KIRREL3: variants seen among roughly 807,000 people sequenced by gnomAD.
KIRREL3 encodes kin of IRRE-like protein 3.
In KIRREL3, 36 loss-of-function variants were observed where a neutral mutation model predicts 89.7. The ratio of observed to expected loss-of-function variants is 0.40; its 90% CI spans 0.31 to 0.53. The LOEUF (loss-of-function observed/expected upper bound fraction) is 0.53, where lower values mean the gene tolerates loss of function less well. Ranked by LOEUF, KIRREL3 falls within the 20% of genes least tolerant of loss-of-function variation. The probability of loss-of-function intolerance (pLI) is 0.49; values close to 1 mark genes in which losing one functional copy is unlikely to be tolerated. For missense variants in KIRREL3, 864 were observed against 1,056.6 expected, an observed-to-expected ratio of 0.82 and a Z score of 2.53; for synonymous variants, 445 against 441.4, an observed-to-expected ratio of 1.01 and a Z score of -0.10.
intron 2 of KIRREL3, among the ~76,000 whole-genome samples, chr11:126,543,694 G>A (rs1220437085): frequency 6.6e-6 from 1 of 152,174 alleles, no homozygotes; most frequent in Non-Finnish European, 1.5e-5. Context: ...GAAGACCACG[G>A]AAACCTCTCC....
chr11:126,539,022 G>A (rs1200527508), intron 2 of KIRREL3, among the ~76,000 whole-genome samples: 2 of 152,174 alleles, frequency 1.3e-5, no homozygotes, highest in Non-Finnish European at 2.9e-5. Flanking sequence ...GAGAACAGAT[G>A]TGTTCATGGA....
At position 126,754,544 on chromosome 11, in the gene KIRREL3, G is replaced by C. The variant is rs1036156877; in HGVS notation, c.56-191632C>G. On this transcript the variant is annotated intron_variant, in intron 1 of 16. Transcript: ENST00000525144. This position sits in a 1 kb window ranked among gnomAD's most constrained non-coding sequence, Gnocchi z 5.1. The stretch of plus-strand genomic sequence containing the variant: ...TAAGGCCTACAAACTGCATGTCTTT[G>C]CTAGATACCGCTGAAGGGGATCGTC... Among the ~76,000 whole-genome samples, 1 of 152,030 alleles carries C rather than the reference G, an allele frequency of 6.6e-6. No individual in the cohort carries two copies. The highest frequency in any genetic ancestry group is 6.6e-5 in the Admixed American group (1 of 15,256).
chr11:126,625,115 A>T (rs1481496379), intron 1 of KIRREL3, among the ~76,000 whole-genome samples: 5 of 152,138 alleles, frequency 3.3e-5, no homozygotes, highest in Non-Finnish European at 5.9e-5. Context: ...CAAAACTACT[A>T]TCTAATCTTA....
At chr11:126,819,202 C>A (rs1054215011) in intron 1 of KIRREL3, among the ~76,000 whole-genome samples, 1 of 152,070 alleles carries the variant, frequency 6.6e-6, no homozygotes, top group African/African-American at 2.4e-5. Context: ...CAGCCTGAGG[C>A]GACGGTCCGG....
At chr11:126,732,057 G>A (rs955638623) in intron 1 of KIRREL3, among the ~76,000 whole-genome samples, 40 of 152,222 alleles carry the variant, frequency 2.6e-4, no homozygotes, top group African/African-American at 9.7e-4. Flanking sequence ...TTTCCAGCGA[G>A]TGCCAGGAAT....
intron 1 of KIRREL3, among the ~76,000 whole-genome samples, chr11:126,679,274 A>T (rs1946343645): frequency 6.6e-6 from 1 of 152,140 alleles, no homozygotes; most frequent in Non-Finnish European, 1.5e-5. Context: ...CTACTTCTGG[A>T]CCTTTTGTTA....
Position 126,558,156 on chromosome 11 carries a change from G to A in KIRREL3, c.133+4679C>T, listed in dbSNP as rs958016696. On this transcript the variant is annotated intron_variant, in intron 2 of 16. Coordinates refer to ENST00000525144, the MANE Select transcript of KIRREL3 (RefSeq NM_032531.4). This position sits in a 1 kb window ranked among gnomAD's most constrained non-coding sequence, Gnocchi z 4.0. ...GTGCAGGCCCCCCTCTGCCCCAAGG[G>A]GATGGCTGAAGGGGAGGTCAAAACT... 1.3e-5 allele frequency among the ~76,000 whole-genome samples: 2 copies of A among 152,156 alleles called. No homozygotes were observed. The highest frequency in any genetic ancestry group is 4.8e-5 in the African/African-American group (2 of 41,442).
At chr11:126,448,279 C>CAAAAAAAAAAAAAAAAAAA (rs55787866) in intron 8 of KIRREL3, among the ~76,000 whole-genome samples, 1 of 95,366 alleles carries the variant, frequency 1.0e-5, no homozygotes, top group Non-Finnish European at 2.1e-5. Context: ...GAGACTGTCT[C>CAAAAAAAAAAAAAAAAAAA]AAAAAAAAAA....
intron 1 of KIRREL3, among the ~76,000 whole-genome samples, chr11:126,972,540 G>T (rs1591404218): frequency 6.6e-6 from 1 of 152,298 alleles, no homozygotes; most frequent in African/African-American, 2.4e-5. Flanking sequence ...AGAGCTGGCT[G>T]CTGTGGAAAG....
intron 1 of KIRREL3, among the ~76,000 whole-genome samples, chr11:126,971,769 G>T (rs625987): frequency 0.098 from 14,879 of 152,198 alleles, 849 homozygotes; most frequent in Middle Eastern, 0.19. Context: ...CAAAAAGCTT[G>T]CAGGGAAGAG....
intron 1 of KIRREL3, among the ~76,000 whole-genome samples, chr11:126,633,335 C>A (rs1259127060): frequency 6.6e-6 from 1 of 152,022 alleles, no homozygotes; most frequent in Non-Finnish European, 1.5e-5. Flanking sequence ...ACACCTATCT[C>A]ATTTTTAGAA....
intron 1 of KIRREL3, among the ~76,000 whole-genome samples, chr11:126,720,707 G>A (rs1176953092): frequency 6.6e-6 from 1 of 152,212 alleles, no homozygotes; most frequent in African/African-American, 2.4e-5. Flanking sequence ...CACAAGCCAA[G>A]ACTGTCCTAG....
chr11:126,709,298 C>T lies in KIRREL3; in HGVS notation c.56-146386G>A, dbSNP rs1207253737. Among the ~76,000 whole-genome samples the T allele has an allele frequency of 1.3e-5, 2 of 152,162 alleles. No individual in the cohort carries two copies. Among genetic ancestry groups the T allele is most frequent in the African/African-American group, 4.8e-5 (2 of 41,428 alleles). On this transcript the variant is annotated intron_variant, in intron 1 of 16. Coordinates refer to ENST00000525144, the MANE Select transcript of KIRREL3 (RefSeq NM_032531.4). The surrounding 1 kb of genome is among the most constrained non-coding windows in gnomAD (Gnocchi z 4.0). ...GTTGGCTTTATCATCTCCTCTATCC[C>T]AAGATGACCTTTGGGGTTCCAATCA... is the stretch of plus-strand genomic sequence containing the variant.
intron 1 of KIRREL3, among the ~76,000 whole-genome samples, chr11:126,979,116 G>A (rs182882834): frequency 5.9e-5 from 9 of 152,194 alleles, no homozygotes; most frequent in East Asian, 1.9e-4. Context: ...CAAAAGACCC[G>A]TCTATAACCA....
chr11:126,613,293 T>G (rs1352204148), intron 1 of KIRREL3, among the ~76,000 whole-genome samples: 4 of 152,108 alleles, frequency 2.6e-5, no homozygotes, highest in Non-Finnish European at 5.9e-5. Flanking sequence ...CGCAGCAGTG[T>G]TTTAAGGTTA....
Position 126,860,557 on chromosome 11 carries a change from C to A in KIRREL3, c.55+139898G>T, listed in dbSNP as rs1455912200. ...GCTCTGGGTGTGGCCAGGCAGCAGGCGGCGTGGAGGCAGAGGGGCCAGGCA... is the reference window on the plus strand; with the variant it reads ...GCTCTGGGTGTGGCCAGGCAGCAGGAGGCGTGGAGGCAGAGGGGCCAGGCA... On this transcript the variant is annotated intron_variant, in intron 1 of 16. Transcript: ENST00000525144. This position sits in a 1 kb window ranked among gnomAD's most constrained non-coding sequence, Gnocchi z 4.6. Among the ~76,000 whole-genome samples, 1 of 152,110 alleles carries A rather than the reference C, an allele frequency of 6.6e-6. No individual in the cohort carries two copies. The highest frequency in any genetic ancestry group is 1.5e-5 in the Non-Finnish European group (1 of 68,016).
At chr11:126,461,003 G>A (rs1487097671) in intron 6 of KIRREL3, among the ~76,000 whole-genome samples, 1 of 152,202 alleles carries the variant, frequency 6.6e-6, no homozygotes, top group Admixed American at 6.5e-5. Context: ...TAGGAAGCTT[G>A]GATGCTCTGT....
chr11:126,787,200 AT>A (rs1349153112), intron 1 of KIRREL3, among the ~76,000 whole-genome samples: 36 of 152,190 alleles, frequency 2.4e-4, no homozygotes, highest in Non-Finnish European at 8.8e-5. Context: ...GATGGAGCCA[AT>A]CAACCCCCAC....
chr11:126,980,515 T>C (rs1336982650), intron 1 of KIRREL3, among the ~76,000 whole-genome samples: 2 of 151,696 alleles, frequency 1.3e-5, no homozygotes, highest in Admixed American at 6.6e-5. Flanking sequence ...TGAATGACAA[T>C]GGTGAAGGGT....
Sources: allele counts gnomAD v4.1 joint callset (sites outside exome capture counted in the v4.1 genomes callset), GRCh38; gene constraint gnomAD v4.1.1; non-coding constraint Gnocchi (gnomAD v3.1); transcripts MANE v1.5; gene names NCBI Gene and HGNC (gene_info 2026-07-23, HGNC 2026-07-21).